DNM3: variants seen among roughly 807,000 people sequenced by gnomAD.
The protein encoded by DNM3 is dynamin-3.
DNM3 carries 47 observed loss-of-function variants against 101.6 expected under a neutral mutation model. That is an observed-to-expected ratio of 0.46 (90% confidence interval 0.37 to 0.59). The LOEUF (loss-of-function observed/expected upper bound fraction) is 0.59, where lower values mean the gene tolerates loss of function less well. DNM3 is among the 20% of genes least tolerant of loss of function. DNM3 has a pLI of 0.00. For synonymous variants in DNM3, 385 were observed against 387.9 expected (o/e 0.99, Z 0.09); for missense variants, 849 against 1,085.7 (o/e 0.78, Z 3.06).
chr1:171,883,402 CA>C lies in DNM3; in HGVS notation c.162-38345del, dbSNP rs1558209702. ...ACACACACACACACACACACACACA[CA>C]CACACACACACCCTGTCAGAATGAA... On this transcript the variant is annotated intron_variant, in intron 1 of 20. Transcript: ENST00000627582. Among the ~76,000 whole-genome samples the C allele has an allele frequency of 1.6e-3, 186 of 118,338 alleles. 4 individuals are homozygous for C. Among genetic ancestry groups the C allele is most frequent in the East Asian group, 4.7e-3 (21 of 4,464 alleles). 77.6% of individuals were successfully genotyped at this position (118,338 alleles called of 152,430 possible). A position where few individuals can be genotyped will look rare whatever the true frequency, so the allele number is the denominator to read the frequency against.
intron 17 of DNM3, among the ~76,000 whole-genome samples, chr1:172,367,418 G>T (rs534372153): frequency 6.6e-6 from 1 of 151,904 alleles, no homozygotes; most frequent in South Asian, 2.1e-4. Context: ...GCAAAAGTGT[G>T]AAACTCACTT....
At chr1:172,138,543 GACA>G (rs2057387464) in intron 14 of DNM3, 1 of 174,510 alleles carries the variant, frequency 5.7e-6, no homozygotes, top group Non-Finnish European at 1.2e-5. Context: ...GTGATTTGCT[GACA>G]ACAATTAGGA....
In DNM3 at chr1:172,032,514, G is replaced by A; in HGVS notation, c.688+14G>A. 1 of 1,036,046 alleles carries A rather than the reference G, an allele frequency of 9.7e-7. No homozygotes were observed. The highest frequency in any genetic ancestry group is 2.1e-5 in the Admixed American group (1 of 47,312). 64.2% of individuals were successfully genotyped at this position (1,036,046 alleles called of 1,614,324 possible). ...CTCTTCGCAGGGGTAATGTACTGTGGTCTATACAAGACTTTTTTTTTTTTT... is the reference window on the plus strand; with the variant it reads ...CTCTTCGCAGGGGTAATGTACTGTGATCTATACAAGACTTTTTTTTTTTTT... On this transcript the variant is annotated intron_variant, in intron 5 of 20. Coordinates refer to ENST00000627582, the MANE Select transcript of DNM3 (RefSeq NM_015569.5).
intron 1 of DNM3, among the ~76,000 whole-genome samples, chr1:171,909,316 C>T (rs1293318609): frequency 6.6e-6 from 1 of 151,760 alleles, no homozygotes; most frequent in East Asian, 1.9e-4. Flanking sequence ...GCCTGTAATC[C>T]CAGCTACTTG....
At chr1:172,077,714 G>A (rs2052779746) in intron 11 of DNM3, among the ~76,000 whole-genome samples, 1 of 151,322 alleles carries the variant, frequency 6.6e-6, no homozygotes, top group Non-Finnish European at 1.5e-5. Context: ...TTGCTGAGGA[G>A]TGTATTTATG....
chr1:171,949,929 TA>T (rs1177413312), intron 2 of DNM3, among the ~76,000 whole-genome samples: 2 of 152,182 alleles, frequency 1.3e-5, no homozygotes, highest in Non-Finnish European at 2.9e-5. Context: ...CAAGGTACAG[TA>T]TTTACCCAAG....
At chr1:172,023,842 T>C (rs1222876513) in intron 4 of DNM3, among the ~76,000 whole-genome samples, 2 of 34,050 alleles carry the variant, frequency 5.9e-5, no homozygotes, top group Non-Finnish European at 1.2e-4. Flanking sequence ...GTTTTAACAA[T>C]GTGGTTTTTT....
intron 14 of DNM3, among the ~76,000 whole-genome samples, chr1:172,163,497 C>G (rs950009668): frequency 6.6e-6 from 1 of 151,952 alleles, no homozygotes; most frequent in African/African-American, 2.4e-5. Context: ...CTTGGCCTCC[C>G]AAAGTGCTAG....
chr1:172,304,951 C>A (rs935210410), intron 15 of DNM3, among the ~76,000 whole-genome samples: 5 of 151,916 alleles, frequency 3.3e-5, no homozygotes, highest in African/African-American at 1.2e-4. Flanking sequence ...AAATTGACAC[C>A]CTAACATCAC....
At position 172,330,252 on chromosome 1, in the gene DNM3, G is replaced by A. The variant is rs1232910579; in HGVS notation, c.1893+6912G>A. ...GCATCAATATCCATCATAGAAAATT[G>A]GTTGAATAGAGTATGGTATATTGAT... On this transcript the variant is annotated intron_variant, in intron 17 of 20. Transcript: ENST00000627582. Among the ~76,000 whole-genome samples the A allele has an allele frequency of 2.6e-5, 4 of 152,074 alleles. No homozygotes were observed. The South Asian group carries it at 6.2e-4, about 24-fold the overall frequency.
At chr1:172,014,334 A>G (rs1446335186) in intron 4 of DNM3, among the ~76,000 whole-genome samples, 4 of 152,208 alleles carry the variant, frequency 2.6e-5, no homozygotes, top group Non-Finnish European at 5.9e-5. Flanking sequence ...TTACTGAATC[A>G]TATGGTAATA....
At chr1:172,355,771 C>T (rs556996812) in intron 17 of DNM3, among the ~76,000 whole-genome samples, 14 of 152,110 alleles carry the variant, frequency 9.2e-5, no homozygotes, top group Middle Eastern at 3.4e-3. Flanking sequence ...ATATAGGACA[C>T]GAAGGACAGG....
At chr1:172,142,236 T>A (rs2057622019) in intron 14 of DNM3, 1 of 152,056 alleles carries the variant, frequency 6.6e-6, no homozygotes, top group Admixed American at 6.6e-5. Flanking sequence ...TATATCTCCT[T>A]ATAAAGTAAT....
At chr1:172,079,690 G>T (rs1459392037) in intron 11 of DNM3, among the ~76,000 whole-genome samples, 1 of 152,166 alleles carries the variant, frequency 6.6e-6, no homozygotes, top group Non-Finnish European at 1.5e-5. Flanking sequence ...TCCTTTGGAA[G>T]AGAAGAGGTG....
At chr1:172,147,048 T>G (rs2057937128) in intron 14 of DNM3, among the ~76,000 whole-genome samples, 1 of 152,158 alleles carries the variant, frequency 6.6e-6, no homozygotes, top group South Asian at 2.1e-4. Context: ...TTAGAATATA[T>G]GTCCATCTCC....
intron 15 of DNM3, among the ~76,000 whole-genome samples, chr1:172,306,611 A>G (rs950830658): frequency 6.6e-6 from 1 of 152,166 alleles, no homozygotes; most frequent in African/African-American, 2.4e-5. Flanking sequence ...GAGGCATCAC[A>G]CTACCTGACT....
At chr1:172,006,115 G>A (rs1265906328) in intron 4 of DNM3, among the ~76,000 whole-genome samples, 3 of 152,042 alleles carry the variant, frequency 2.0e-5, no homozygotes, top group African/African-American at 7.2e-5. Flanking sequence ...CCATGAGAAA[G>A]CAAGACTGGG....
In DNM3 at chr1:172,172,592, A is replaced by T. The variant is rs547992223; in HGVS notation, c.1659+41304A>T. ...AAGAGTAAAACTTGGGGAAAGCAAA[A>T]CCATGAATAAGGGGACTACTATACT... On this transcript the variant is annotated intron_variant, in intron 14 of 20. Transcript: ENST00000627582. Among the ~76,000 whole-genome samples, 10 of 151,846 alleles carry T rather than the reference A, an allele frequency of 6.6e-5. 1 individual carries two copies. In the East Asian group the frequency reaches 1.9e-3, roughly 30 times the overall value.
At chr1:171,887,855 T>A (rs2036915371) in intron 1 of DNM3, among the ~76,000 whole-genome samples, 1 of 151,860 alleles carries the variant, frequency 6.6e-6, no homozygotes, top group Non-Finnish European at 1.5e-5. Context: ...ATCTAATATG[T>A]TTTTTTTCCA....
Sources: gnomAD v4.1 joint callset for allele counts (sites outside exome capture counted in the v4.1 genomes callset) on GRCh38, gnomAD v4.1.1 for gene constraint, MANE v1.5 for transcripts, NCBI Gene and HGNC (gene_info 2026-07-23, HGNC 2026-07-21) for gene names.